SPTBN4: variants seen among roughly 807,000 people sequenced by gnomAD.
SPTBN4 encodes spectrin beta, non-erythrocytic 4, also known as spectrin beta chain, non-erythrocytic 4.
SPTBN4 carries 96 observed loss-of-function variants against 277.8 expected under a neutral mutation model. The ratio of observed to expected loss-of-function variants is 0.35; its 90% confidence interval spans 0.29 to 0.41. The LOEUF is 0.41. Ranked by LOEUF, SPTBN4 falls within the 10% of genes least tolerant of loss-of-function variation. SPTBN4 has a pLI of 1.00. For missense variants in SPTBN4, 3,006 were observed against 3,595.7 expected (o/e 0.84, Z 4.19); for synonymous variants, 1,481 against 1,580.3 (o/e 0.94, Z 1.49).
At chr19:40,476,799 G>C (rs1295192125) in intron 2 of SPTBN4, among the ~76,000 whole-genome samples, 2 of 152,016 alleles carry the variant, frequency 1.3e-5, no homozygotes, top group African/African-American at 4.8e-5. Context: ...GTGTTAGCCA[G>C]GATGGTTTTG....
At chr19:40,567,623 C>A (rs746867299) in intron 30 of SPTBN4, 40 bp from the exon 31 acceptor site, 2 of 1,421,148 alleles carry the variant, frequency 1.4e-6, no homozygotes, top group East Asian at 2.9e-5. Context: ...CCCGCCCCGG[C>A]CCCACGCCTC....
At position 40,482,687 on chromosome 19, in the gene SPTBN4, C is replaced by T. The variant is rs374950113; in HGVS notation, c.170-5010C>T. On this transcript the variant is annotated intron_variant, in intron 2 of 35. Coordinates refer to ENST00000598249, the MANE Select transcript of SPTBN4 (RefSeq NM_020971.3). ...AACCAAATATATCTCAGAGGCTGGG[C>T]GCAGTGGCTCATGCCTGTAATCCCA... Among the ~76,000 whole-genome samples, 4 of 152,274 alleles carry T rather than the reference C, an allele frequency of 2.6e-5. No individual in the cohort carries two copies. The East Asian group carries it at 7.7e-4, about 29-fold the overall frequency.
chr19:40,512,575 A>G, intron 13 of SPTBN4, 31 bp from the exon 14 acceptor site: 1 of 1,497,504 alleles, frequency 6.7e-7, no homozygotes, highest in Non-Finnish European at 8.8e-7. Flanking sequence ...GCTTGTGACC[A>G]ATCCTGGATG....
chr19:40,521,802 G>A (rs564640203), intron 16 of SPTBN4, among the ~76,000 whole-genome samples: 1 of 152,256 alleles, frequency 6.6e-6, no homozygotes, highest in Middle Eastern at 3.4e-3. Flanking sequence ...GGCCTTGAGA[G>A]ACCCTTTCTG....
intron 26 of SPTBN4, among the ~76,000 whole-genome samples, chr19:40,558,857 C>G (rs973334187): frequency 1.3e-5 from 2 of 151,192 alleles, no homozygotes; most frequent in African/African-American, 4.9e-5. Context: ...ATCTACCCGT[C>G]TCGGCCTCCC....
intron 5 of SPTBN4, among the ~76,000 whole-genome samples, chr19:40,493,306 C>T (rs1210362559): frequency 6.6e-6 from 1 of 152,000 alleles, no homozygotes; most frequent in Non-Finnish European, 1.5e-5. Flanking sequence ...AGTGCAGTGG[C>T]ATGCACTGAA....
At chr19:40,477,206 ATT>A (rs1363249628) in intron 2 of SPTBN4, among the ~76,000 whole-genome samples, 1 of 151,658 alleles carries the variant, frequency 6.6e-6, no homozygotes, top group Non-Finnish European at 1.5e-5. Flanking sequence ...TGCCCAGCTA[ATT>A]TTCTTATTAT....
At position 40,554,399 on chromosome 19, in the gene SPTBN4, C is replaced by T; in HGVS notation, c.4927C>T (p.Leu1643Phe). ...VEAWLGEQEL[L>F]MMSEDKGKDE... is the part of the protein sequence containing the mutation. The stretch of plus-strand genomic sequence containing the variant: ...GGCGTGGCTGGGCGAGCAGGAGCTG[C>T]TCATGATGAGTGAGGACAAGGGCAA... The change falls in exon 23 of 36, where the codon CTC (leucine) becomes TTC (phenylalanine). Residue 1643 changes from leucine (L) to phenylalanine (F), a missense_variant. Coordinates refer to ENST00000598249, the MANE Select transcript of SPTBN4 (RefSeq NM_020971.3). The surrounding 1 kb of genome is among the most constrained non-coding windows in gnomAD (Gnocchi z 5.7). 2 of 1,587,600 alleles carry T rather than the reference C, an allele frequency of 1.3e-6. No homozygotes were observed. The highest frequency in any genetic ancestry group is 2.3e-5 in the South Asian group (2 of 87,968).
intron 2 of SPTBN4, among the ~76,000 whole-genome samples, chr19:40,480,097 GA>G (rs2079993182): frequency 6.6e-6 from 1 of 151,876 alleles, no homozygotes; most frequent in South Asian, 2.1e-4. Flanking sequence ...TAAAAATACA[GA>G]AAATTAGCTG....
chr19:40,479,338 T>C (rs1400084881), intron 2 of SPTBN4, among the ~76,000 whole-genome samples: 1 of 152,162 alleles, frequency 6.6e-6, no homozygotes, highest in Non-Finnish European at 1.5e-5. Context: ...ACGTTCAGTG[T>C]GTTCTCCTAC....
Position 40,506,314 on chromosome 19 carries a change from G to A in SPTBN4, c.1744G>A (p.Gly582Arg), listed in dbSNP as rs1331187108. Reference protein sequence around the residue: ...DLLQKHGLLEGDIAAQSERVE... With the variant: ...DLLQKHGLLERDIAAQSERVE... ...GTTGCAGAAGCATGGACTGCTGGAG[G>A]GAGACATTGCCGCCCAGAGCGAGCG... Residue 582 changes from glycine (G) to arginine (R), a missense_variant, in exon 13 of 36, where the codon GGA becomes AGA. Transcript: ENST00000598249. The A allele has an allele frequency of 8.7e-6, 14 of 1,614,082 alleles. No individual in the cohort carries two copies. Among genetic ancestry groups the A allele is most frequent in the African/African-American group, 1.3e-5 (1 of 75,068 alleles).
chr19:40,525,494 C>T (rs2080579981), intron 17 of SPTBN4, among the ~76,000 whole-genome samples: 1 of 152,132 alleles, frequency 6.6e-6, no homozygotes, highest in South Asian at 2.1e-4. Flanking sequence ...GCCTGTTCCA[C>T]ATTTCTTGAG....
intron 32 of SPTBN4, among the ~76,000 whole-genome samples, 176 bp downstream of exon 32, chr19:40,569,902 C>T (rs965179164): frequency 6.7e-5 from 10 of 149,808 alleles, no homozygotes; most frequent in African/African-American, 2.5e-4. Flanking sequence ...CTTAGAAAGA[C>T]GGGGCACCTA....
intron 2 of SPTBN4, among the ~76,000 whole-genome samples, chr19:40,474,632 G>T (rs1241578035): frequency 6.6e-6 from 1 of 151,886 alleles, no homozygotes; most frequent in Non-Finnish European, 1.5e-5. Context: ...AAGCATGGTG[G>T]CGGATGCCTG....
intron 30 of SPTBN4, chr19:40,566,990 A>T (rs530772280): frequency 3.4e-6 from 1 of 297,530 alleles, no homozygotes; most frequent in African/African-American, 2.3e-5. Context: ...AAAACAACAA[A>T]AAAAAACCGC....
Position 40,566,305 on chromosome 19 carries a change from C to A in SPTBN4, c.6282C>A (p.Arg2094=), listed in dbSNP as rs780358443. ...EQLIRRHEAF[R]KAAAAWEERF... is the part of the protein sequence containing the mutation. ...TTATCCGGCGACATGAGGCCTTCCG[C>A]AAAGCGGCTGCAGCCTGGGAAGAGA... The change falls in exon 30 of 36, where the codon CGC becomes CGA. Residue 2094 remains arginine, a synonymous_variant. Transcript: ENST00000598249. 1.3e-6 allele frequency: 2 copies of A among 1,594,494 alleles called. No individual in the cohort carries two copies. The highest frequency in any genetic ancestry group is 2.3e-5 in the South Asian group (2 of 87,782).
In SPTBN4 at chr19:40,502,657, A is replaced by G; in HGVS notation, c.1204-118A>G. ...AGTAGTAAAGTGTCATAAGGAAGCA[A>G]TATTTTTTCCAATTTGCATGAAGTT... On this transcript the variant is annotated intron_variant, in intron 10 of 35. Transcript: ENST00000598249. The surrounding 1 kb of genome is among the most constrained non-coding windows in gnomAD (Gnocchi z 4.9). 9.4e-6 allele frequency: 14 copies of G among 1,486,670 alleles called. No individual in the cohort carries two copies. Among genetic ancestry groups the G allele is most frequent in the Non-Finnish European group, 1.3e-5 (14 of 1,103,184 alleles). The allele number at this position is 1,486,670 out of a possible 1,614,324, so 92.1% of individuals were successfully genotyped here.
chr19:40,556,322 C>T (rs762048298), intron 25 of SPTBN4, 34 bp downstream of exon 25: 44 of 1,575,620 alleles, frequency 2.8e-5, no homozygotes, highest in South Asian at 2.3e-4. Flanking sequence ...ATACCAGGAG[C>T]TACCACTAAG....
rs746375770 is a variant in SPTBN4, at chr19:40,508,693, A to AAT, written c.1816+2322_1816+2323dup. ...ACAGAGCGAGACCTCATCTCAAAGAAATATATATATATATATGACTGGTGG... is the reference window on the plus strand; with the variant it reads ...ACAGAGCGAGACCTCATCTCAAAGAAATATATATATATATATATGACTGGTGG... On this transcript the variant is annotated intron_variant, in intron 13 of 35. Coordinates refer to ENST00000598249, the MANE Select transcript of SPTBN4 (RefSeq NM_020971.3). 7.9e-4 allele frequency among the ~76,000 whole-genome samples: 119 copies of AAT among 150,412 alleles called. 2 individuals carry two copies. The East Asian group carries it at 0.01, about 13-fold the overall frequency.
Sources: gnomAD v4.1 joint callset for allele counts (sites outside exome capture counted in the v4.1 genomes callset) on GRCh38, gnomAD v4.1.1 for gene constraint, Gnocchi (gnomAD v3.1) non-coding constraint, MANE v1.5 for transcripts, NCBI Gene and HGNC (gene_info 2026-07-23, HGNC 2026-07-21) for gene names.